The following ZC3H12B variants were observed in gnomAD, a reference collection of about 807,000 sequenced individuals.
The protein encoded by ZC3H12B is probable ribonuclease ZC3H12B.
In ZC3H12B, 7 loss-of-function variants were observed where a neutral mutation model predicts 43.9. The ratio of observed to expected loss-of-function variants is 0.16; its 90% CI spans 0.09 to 0.30. ZC3H12B has a LOEUF of 0.30. Among genes scored for constraint, ZC3H12B ranks in the 10% least tolerant of loss-of-function variants. The pLI, the probability that ZC3H12B is intolerant of heterozygous loss-of-function variation, is 1.00. For missense variants in ZC3H12B, 475 were observed against 670.2 expected (o/e 0.71, Z 3.22); for synonymous variants, 222 against 241.7 (o/e 0.92, Z 0.76).
At chrX:65,181,939 T>C in the ZC3H12B span, among the ~76,000 whole-genome samples, 1 of 111,424 alleles carries the variant, frequency 9.0e-6, no homozygotes, top group Non-Finnish European at 1.9e-5. Context: ...TCTACTATAA[T>C]GAAATATGTG....
intron 3 of ZC3H12B, among the ~76,000 whole-genome samples, chrX:65,482,062 A>G (rs1265368786): frequency 8.9e-6 from 1 of 111,873 alleles, no homozygotes; most frequent in Non-Finnish European, 1.9e-5. Context: ...AATAGGATGT[A>G]CTCTATTCCA....
chrX:65,482,603 A>G (rs1301724884), intron 3 of ZC3H12B, among the ~76,000 whole-genome samples: 1 of 112,533 alleles, frequency 8.9e-6, no homozygotes, highest in South Asian at 3.7e-4. Context: ...TGTAACCTAC[A>G]GTTTTCTTGT....
At chrX:65,226,937 A>G in the ZC3H12B span, among the ~76,000 whole-genome samples, 1 of 111,164 alleles carries the variant, frequency 9.0e-6, no homozygotes, top group Non-Finnish European at 1.9e-5. Context: ...ATAATGGGAG[A>G]CTTTAACACC....
chrX:65,495,381 A>G (rs1317272265), intron 1 of ZC3H12B, among the ~76,000 whole-genome samples: 2 of 112,033 alleles, frequency 1.8e-5, no homozygotes, highest in Non-Finnish European at 3.8e-5. Context: ...CGGATATTAT[A>G]TATGAATTCA....
At chrX:65,459,002 A>G (rs371961443) in intron 3 of ZC3H12B, among the ~76,000 whole-genome samples, 1 of 31,822 alleles carries the variant, frequency 3.1e-5, no homozygotes, top group African/African-American at 1.3e-4. Flanking sequence ...AATCAAATAG[A>G]TGCAATAAAA....
At chrX:65,263,295 TC>T in the ZC3H12B span, among the ~76,000 whole-genome samples, 32 of 111,223 alleles carry the variant, frequency 2.9e-4, no homozygotes, top group African/African-American at 1.0e-3. Flanking sequence ...TTGATAGGTA[TC>T]TTTTTAAAAC....
intron 2 of ZC3H12B, among the ~76,000 whole-genome samples, chrX:65,383,129 A>G (rs2066467717): frequency 8.9e-6 from 1 of 111,942 alleles, no homozygotes; most frequent in Non-Finnish European, 1.9e-5. Context: ...GAACCAAAAA[A>G]GAGCCTGCAT....
At chrX:65,416,471 C>T (rs2066961217) in intron 3 of ZC3H12B, among the ~76,000 whole-genome samples, 1 of 110,967 alleles carries the variant, frequency 9.0e-6, no homozygotes, top group African/African-American at 3.3e-5. Flanking sequence ...ATCAACATCA[C>T]CAAGACACTT....
chrX:65,401,028 G>T (rs2066755732), intron 3 of ZC3H12B, among the ~76,000 whole-genome samples: 1 of 109,259 alleles, frequency 9.2e-6, no homozygotes, highest in African/African-American at 3.3e-5. Context: ...CAGAATAGAA[G>T]GCTCCACCAA....
the ZC3H12B span, among the ~76,000 whole-genome samples, chrX:65,062,413 G>A: frequency 8.9e-6 from 1 of 112,200 alleles, no homozygotes; most frequent in Admixed American, 9.5e-5. Flanking sequence ...TTATTAAATA[G>A]GGAATCTTTT....
the ZC3H12B span, among the ~76,000 whole-genome samples, chrX:65,138,101 A>T: frequency 8.9e-6 from 1 of 112,564 alleles, no homozygotes; most frequent in Non-Finnish European, 1.9e-5. Flanking sequence ...AAGTCCTAGG[A>T]CTACTGGCAT....
the ZC3H12B span, among the ~76,000 whole-genome samples, chrX:65,121,821 C>T: frequency 9.1e-6 from 1 of 110,496 alleles, no homozygotes; most frequent in African/African-American, 3.3e-5. Context: ...TGAATGTGTC[C>T]CAGAGATTCT....
intron 3 of ZC3H12B, among the ~76,000 whole-genome samples, chrX:65,457,514 A>T (rs2148167199): frequency 1.1e-5 from 1 of 89,468 alleles, no homozygotes; most frequent in South Asian, 4.9e-4. Context: ...GGCCGCCCCT[A>T]CTGGGAAGTG....
the ZC3H12B span, among the ~76,000 whole-genome samples, chrX:65,268,349 A>G: frequency 8.9e-6 from 1 of 111,899 alleles, no homozygotes; most frequent in Non-Finnish European, 1.9e-5. Flanking sequence ...ATTGTTACCA[A>G]TAATAGTTTT....
At chrX:65,173,684 T>C in the ZC3H12B span, among the ~76,000 whole-genome samples, 2 of 111,949 alleles carry the variant, frequency 1.8e-5, no homozygotes, top group African/African-American at 6.5e-5. Context: ...GATAATCATG[T>C]GATTTTTGTC....
the ZC3H12B span, among the ~76,000 whole-genome samples, chrX:65,266,380 G>A: frequency 9.0e-6 from 1 of 111,557 alleles, no homozygotes; most frequent in African/African-American, 3.3e-5. Flanking sequence ...ATCTGCCCTG[G>A]CAAAGCTTTA....
chrX:65,188,478 G>C, the ZC3H12B span, among the ~76,000 whole-genome samples: 222 of 101,853 alleles, frequency 2.2e-3, 1 homozygote, highest in African/African-American at 7.7e-3. Flanking sequence ...GCTGGTATTT[G>C]TTATTGCCTG....
the ZC3H12B span, among the ~76,000 whole-genome samples, chrX:65,039,416 T>C: frequency 2.8e-3 from 312 of 111,960 alleles, 2 homozygotes; most frequent in Admixed American, 6.6e-3. Context: ...TGATTAATAA[T>C]GTGAAAATGG....
the ZC3H12B span, among the ~76,000 whole-genome samples, chrX:65,225,432 G>A: frequency 1.8e-5 from 2 of 112,129 alleles, no homozygotes; most frequent in African/African-American, 3.2e-5. Context: ...GGAAAAAACA[G>A]AGCAGAAAAA....
Sources: gnomAD v4.1 joint callset for allele counts (sites outside exome capture counted in the v4.1 genomes callset) on GRCh38, gnomAD v4.1.1 for gene constraint, MANE v1.5 for transcripts, NCBI Gene and HGNC (gene_info 2026-07-23, HGNC 2026-07-21) for gene names.